The following TMEM131 variants were observed in gnomAD, a reference collection of about 807,000 sequenced individuals.
TMEM131 encodes transmembrane protein 131.
TMEM131 carries 66 observed loss-of-function variants against 211.6 expected under a neutral mutation model. That is an observed-to-expected ratio of 0.31 (90% CI 0.26 to 0.38). The LOEUF (loss-of-function observed/expected upper bound fraction) is 0.38. Among genes scored for constraint, TMEM131 ranks in the 10% least tolerant of loss-of-function variants. The probability of loss-of-function intolerance (pLI) is 1.00; values close to 1 mark genes in which losing one functional copy is unlikely to be tolerated. For synonymous variants in TMEM131, 844 were observed against 841.3 expected (o/e 1.00, Z -0.06); for missense variants, 2,036 against 2,299.3 (o/e 0.89, Z 2.34).
At chr2:97,982,927 C>T (rs1278619893) in intron 1 of TMEM131, among the ~76,000 whole-genome samples, 2 of 152,192 alleles carry the variant, frequency 1.3e-5, no homozygotes, top group South Asian at 4.1e-4. Context: ...AGCCCCAACA[C>T]CCTTGTTGGA....
At chr2:97,960,835 CCAAA>C (rs1678781602) in intron 1 of TMEM131, among the ~76,000 whole-genome samples, 1 of 151,962 alleles carries the variant, frequency 6.6e-6, no homozygotes, top group African/African-American at 2.4e-5. Context: ...TATATAACAT[CCAAA>C]CAGAGTTAAT....
chr2:97,898,022 T>C (rs1036785689), intron 3 of TMEM131, among the ~76,000 whole-genome samples: 2 of 152,164 alleles, frequency 1.3e-5, no homozygotes, highest in Non-Finnish European at 2.9e-5. Context: ...CTCTTATTCT[T>C]TGAATGTTTA....
chr2:97,899,164 T>C (rs1391842142), intron 3 of TMEM131, among the ~76,000 whole-genome samples: 1 of 152,174 alleles, frequency 6.6e-6, no homozygotes, highest in African/African-American at 2.4e-5. Context: ...TCTTTATCTC[T>C]GATAATATTC....
At chr2:97,956,319 A>T (rs933233217) in intron 1 of TMEM131, among the ~76,000 whole-genome samples, 1 of 152,182 alleles carries the variant, frequency 6.6e-6, no homozygotes, top group Non-Finnish European at 1.5e-5. Flanking sequence ...AGTGCCAAAT[A>T]TTTTTGTATC....
At chr2:97,933,036 G>A (rs72944812) in intron 1 of TMEM131, among the ~76,000 whole-genome samples, 3,751 of 152,288 alleles carry the variant, frequency 0.025, 165 homozygotes, top group African/African-American at 0.087. Flanking sequence ...ATAGTAACAT[G>A]TTGTACAGGC....
intron 6 of TMEM131, among the ~76,000 whole-genome samples, chr2:97,843,252 CAAG>C (rs1488566991): frequency 6.6e-6 from 1 of 152,098 alleles, no homozygotes; most frequent in African/African-American, 2.4e-5. Flanking sequence ...TTTAAAACTT[CAAG>C]AATAACTGTA....
chr2:97,898,321 T>C (rs189136938), intron 3 of TMEM131, among the ~76,000 whole-genome samples: 2 of 152,226 alleles, frequency 1.3e-5, no homozygotes, highest in African/African-American at 2.4e-5. Context: ...TCCAGAAAAC[T>C]TGGTATGTTG....
chr2:97,783,291 T>C (rs1179610103), intron 31 of TMEM131, among the ~76,000 whole-genome samples: 2 of 151,938 alleles, frequency 1.3e-5, no homozygotes, highest in Non-Finnish European at 1.5e-5. Context: ...CCAACAGACC[T>C]ACCCTAAAAA....
chr2:97,884,270 T>C (rs930032304), intron 4 of TMEM131, among the ~76,000 whole-genome samples: 4 of 152,224 alleles, frequency 2.6e-5, no homozygotes, highest in Non-Finnish European at 2.9e-5. Context: ...TTAAATTCCA[T>C]TGTGGTCAGA....
intron 1 of TMEM131, among the ~76,000 whole-genome samples, chr2:97,977,540 G>C (rs949419119): frequency 6.6e-6 from 1 of 152,200 alleles, no homozygotes; most frequent in Non-Finnish European, 1.5e-5. Context: ...AAGCAAGTCA[G>C]GTAAGTTTTC....
rs1673891024 is a variant in TMEM131, at chr2:97,857,373, A to C, written c.483+1931T>G. ...CTTCCCTCATTTATATTGTTTACCTAGCCCAGTTTAAGAATCTGTTTGCAA... is the reference window on the plus strand; with the variant it reads ...CTTCCCTCATTTATATTGTTTACCTCGCCCAGTTTAAGAATCTGTTTGCAA... On this transcript the variant is annotated intron_variant, in intron 5 of 40. Transcript: ENST00000186436. Among the ~76,000 whole-genome samples the C allele has an allele frequency of 2.0e-5, 3 of 152,288 alleles. No individual in the cohort carries two copies. In the South Asian group the frequency reaches 6.2e-4, roughly 32 times the overall value.
intron 19 of TMEM131, 104 bp from the exon 20 acceptor site, chr2:97,805,807 A>G (rs1681268583): frequency 9.6e-7 from 1 of 1,040,772 alleles, no homozygotes; most frequent in Non-Finnish European, 1.3e-6. Flanking sequence ...ACCAAAGCCC[A>G]AAAGACATCT....
chr2:97,889,421 C>T (rs1386695159), intron 3 of TMEM131, among the ~76,000 whole-genome samples: 5 of 151,922 alleles, frequency 3.3e-5, no homozygotes, highest in Admixed American at 6.6e-5. Context: ...CATTCTTTGG[C>T]GCCTTTAAAA....
At chr2:97,766,372 T>A in intron 34 of TMEM131, 106 bp downstream of exon 34, 1 of 1,597,180 alleles carries the variant, frequency 6.3e-7, no homozygotes, top group Non-Finnish European at 8.6e-7. Context: ...TAGCCTTGCA[T>A]GACTAATAAC....
chr2:97,760,320 G>A, intron 38 of TMEM131: 1 of 488,562 alleles, frequency 2.0e-6, no homozygotes. Flanking sequence ...AGGAGATGGA[G>A]GAGAGTGAGA....
intron 1 of TMEM131, among the ~76,000 whole-genome samples, chr2:97,962,282 T>C (rs1251969951): frequency 6.6e-6 from 1 of 152,164 alleles, no homozygotes; most frequent in African/African-American, 2.4e-5. Flanking sequence ...GGCAGGTGGA[T>C]CACAAGGTCA....
chr2:97,908,531 T>C, intron 3 of TMEM131, 127 bp downstream of exon 3: 1 of 654,482 alleles, frequency 1.5e-6, no homozygotes, highest in South Asian at 2.3e-5. Context: ...GAAATAATCA[T>C]ATAATGTGAT....
intron 11 of TMEM131, among the ~76,000 whole-genome samples, chr2:97,821,596 C>T (rs1354774877): frequency 3.9e-5 from 6 of 152,182 alleles, no homozygotes; most frequent in Non-Finnish European, 8.8e-5. Context: ...ACCACGAACT[C>T]ACTGGAAGGA....
intron 36 of TMEM131, 22 bp from the exon 37 acceptor site, chr2:97,760,936 G>A (rs751624245): frequency 6.2e-7 from 1 of 1,613,444 alleles, no homozygotes; most frequent in Non-Finnish European, 8.5e-7. Flanking sequence ...AGCAAAGAGA[G>A]AACTCATTCC....
Sources: gnomAD v4.1 joint callset for allele counts (sites outside exome capture counted in the v4.1 genomes callset) on GRCh38, gnomAD v4.1.1 for gene constraint, MANE v1.5 for transcripts, NCBI Gene and HGNC (gene_info 2026-07-23, HGNC 2026-07-21) for gene names.